The following OXR1 variants were observed in gnomAD, a reference collection of about 807,000 sequenced individuals.
The protein encoded by OXR1 is oxidation resistance 1, also known as oxidation resistance protein 1.
OXR1 carries 41 observed loss-of-function variants against 104.6 expected under a neutral mutation model. The ratio of observed to expected loss-of-function variants is 0.39; its 90% CI spans 0.31 to 0.51. The LOEUF (loss-of-function observed/expected upper bound fraction) is 0.51. Ranked by LOEUF, OXR1 falls within the 20% of genes least tolerant of loss-of-function variation. The pLI is 0.77. For missense variants in OXR1, 955 were observed against 1,031.9 expected (o/e 0.93, Z 1.02); for synonymous variants, 348 against 348.4 (o/e 1.00, Z 0.01).
At chr8:106,624,666 A>C (rs1347390730) in intron 3 of OXR1, among the ~76,000 whole-genome samples, 1 of 152,168 alleles carries the variant, frequency 6.6e-6, no homozygotes, top group Admixed American at 6.5e-5. Flanking sequence ...CCCAATTGTA[A>C]ATCTACCATT....
chr8:106,526,154 C>T (rs897958125), intron 3 of OXR1, among the ~76,000 whole-genome samples: 1 of 152,100 alleles, frequency 6.6e-6, no homozygotes, highest in East Asian at 1.9e-4. Context: ...ATGTTATTCA[C>T]GTAAAATATG....
chr8:106,552,048 G>A lies in OXR1; in HGVS notation c.220+32909G>A, dbSNP rs192816804. On this transcript the variant is annotated intron_variant, in intron 3 of 16. Transcript: ENST00000517566. ...TGCACTCCAACCTGGGTGACAGAGCGAGACCTGGTCTCAAAAAATAAAAGT... is the reference window on the plus strand; with the variant it reads ...TGCACTCCAACCTGGGTGACAGAGCAAGACCTGGTCTCAAAAAATAAAAGT... Among the ~76,000 whole-genome samples the A allele has an allele frequency of 1.1e-4, 16 of 151,746 alleles. No homozygotes were observed. In the East Asian group the frequency reaches 1.9e-3, roughly 18 times the overall value.
intron 3 of OXR1, among the ~76,000 whole-genome samples, chr8:106,654,579 A>G (rs1444065843): frequency 1.3e-5 from 2 of 152,136 alleles, no homozygotes; most frequent in African/African-American, 4.8e-5. Context: ...TATTAGACCT[A>G]TATTAGATCA....
chr8:106,652,122 T>C (rs1416249902), intron 3 of OXR1, among the ~76,000 whole-genome samples: 2 of 152,126 alleles, frequency 1.3e-5, no homozygotes, highest in Non-Finnish European at 2.9e-5. Flanking sequence ...AAAAACATCT[T>C]GTGCTGGCAC....
chr8:106,726,263 G>C (rs1807223855), intron 11 of OXR1: 1 of 1,525,964 alleles, frequency 6.6e-7, no homozygotes, highest in Admixed American at 2.0e-5. Flanking sequence ...CTCTGGTATG[G>C]GAAAAAAGGG....
At position 106,358,879 on chromosome 8, in the gene OXR1, A is replaced by AATTTAATTCACTAAATAATTTAGTGAG. The variant is rs1563735470; in HGVS notation, c.-138-597_-138-596insATTTAATTCACTAAATAATTTAGTGAG. ...TTTAATTCACTAAATAATTTAGTGA[A>AATTTAATTCACTAAATAATTTAGTGAG]TAATTTAATTCACTAAATAATTTAG... On this transcript the variant is annotated intron_variant, in intron 1 of 16. Transcript: ENST00000517566. Among the ~76,000 whole-genome samples the AATTTAATTCACTAAATAATTTAGTGAG allele has an allele frequency of 7.4e-4, 100 of 135,490 alleles. 1 individual carries two copies. The highest frequency in any genetic ancestry group is 2.7e-4 in the Non-Finnish European group (17 of 62,568). The allele number at this position is 135,490 out of a possible 152,430, so 88.9% of individuals were successfully genotyped here.
intron 3 of OXR1, chr8:106,522,963 G>T (rs1281226711): frequency 6.6e-6 from 1 of 152,164 alleles, no homozygotes; most frequent in African/African-American, 2.4e-5. Flanking sequence ...AAAGACAGGG[G>T]GCTAGCTGGG....
chr8:106,298,120 A>C (rs1241089860), intron 1 of OXR1, among the ~76,000 whole-genome samples: 2 of 152,190 alleles, frequency 1.3e-5, no homozygotes, highest in South Asian at 2.1e-4. Context: ...GCTTCTGCTT[A>C]TTTATGCATA....
At chr8:106,666,141 CAATT>C (rs561202245) in intron 3 of OXR1, among the ~76,000 whole-genome samples, 115 of 152,262 alleles carry the variant, frequency 7.6e-4, no homozygotes, top group Non-Finnish European at 1.5e-3. Context: ...AAGGGGAAAA[CAATT>C]AATCCAAATA....
At chr8:106,459,348 G>A (rs990853002) in intron 2 of OXR1, among the ~76,000 whole-genome samples, 12 of 151,930 alleles carry the variant, frequency 7.9e-5, no homozygotes, top group African/African-American at 2.4e-4. Flanking sequence ...GCCTTCTGCC[G>A]TGGTATGACA....
intron 2 of OXR1, among the ~76,000 whole-genome samples, chr8:106,463,456 A>C (rs1283595095): frequency 6.6e-6 from 1 of 152,130 alleles, no homozygotes; most frequent in Non-Finnish European, 1.5e-5. Context: ...CCTTAATAAA[A>C]TGTTAATAAC....
At chr8:106,390,065 C>CA (rs1267604738) in intron 2 of OXR1, among the ~76,000 whole-genome samples, 8 of 149,778 alleles carry the variant, frequency 5.3e-5, no homozygotes, top group Non-Finnish European at 1.2e-4. Flanking sequence ...GACTCTGTCT[C>CA]AAAAAAAAAT....
intron 3 of OXR1, among the ~76,000 whole-genome samples, chr8:106,621,926 G>A (rs1264168710): frequency 6.6e-6 from 1 of 152,120 alleles, no homozygotes; most frequent in Admixed American, 6.5e-5. Context: ...CCATTTCAAT[G>A]TATTATTAAT....
chr8:106,531,875 T>A (rs1457994048), intron 3 of OXR1, among the ~76,000 whole-genome samples: 1 of 152,120 alleles, frequency 6.6e-6, no homozygotes, highest in African/African-American at 2.4e-5. Context: ...GTATAGTGAG[T>A]GGGATGGAAT....
At chr8:106,580,483 T>C (rs759284035) in intron 3 of OXR1, among the ~76,000 whole-genome samples, 2 of 152,206 alleles carry the variant, frequency 1.3e-5, no homozygotes, top group Non-Finnish European at 2.9e-5. Flanking sequence ...GGTGGACAAG[T>C]AGTTTGATGC....
chr8:106,364,913 G>C (rs1816401943), intron 2 of OXR1, among the ~76,000 whole-genome samples: 1 of 152,152 alleles, frequency 6.6e-6, no homozygotes, highest in African/African-American at 2.4e-5. Flanking sequence ...TATTTGTGCT[G>C]CTAAATTGCA....
chr8:106,730,811 T>C (rs1417598637), intron 11 of OXR1, among the ~76,000 whole-genome samples: 1 of 151,556 alleles, frequency 6.6e-6, no homozygotes. Flanking sequence ...GCCTGTAATA[T>C]CAACACTTTA....
chr8:106,583,440 G>A (rs1334645420), intron 3 of OXR1, among the ~76,000 whole-genome samples: 5 of 152,116 alleles, frequency 3.3e-5, no homozygotes, highest in Admixed American at 3.3e-4. Context: ...ATTCTCCTAA[G>A]CATTTCAAAC....
chr8:106,419,873 T>C (rs1002849304), intron 2 of OXR1, among the ~76,000 whole-genome samples: 1 of 152,156 alleles, frequency 6.6e-6, no homozygotes, highest in Non-Finnish European at 1.5e-5. Flanking sequence ...TTCAAACTTT[T>C]TTCAGAAAAG....
Sources: gnomAD v4.1 joint callset for allele counts (sites outside exome capture counted in the v4.1 genomes callset) on GRCh38, gnomAD v4.1.1 for gene constraint, MANE v1.5 for transcripts, NCBI Gene and HGNC (gene_info 2026-07-23, HGNC 2026-07-21) for gene names.